The following CALN1 variants were observed in gnomAD, a reference collection of about 807,000 sequenced individuals.
CALN1 encodes calcium-binding protein 8.
CALN1 carries 17 observed loss-of-function variants against 30.6 expected under a neutral mutation model. The ratio of observed to expected loss-of-function variants is 0.56; its 90% CI spans 0.38 to 0.83. CALN1 has a LOEUF of 0.83. Among genes scored for constraint, CALN1 ranks in the 40% least tolerant of loss-of-function variants. The pLI is 0.00. For synonymous variants in CALN1, 156 were observed against 131.4 expected, an observed-to-expected ratio of 1.19 and a Z score of -1.28; for missense variants, 291 against 354.9, an observed-to-expected ratio of 0.82 and a Z score of 1.45.
chr7:72,478,887 C>CATTTTTTTTTTTTTT, the CALN1 span, among the ~76,000 whole-genome samples: 1 of 139,400 alleles, frequency 7.2e-6, no homozygotes, highest in African/African-American at 2.9e-5. Flanking sequence ...CGAACCACTT[C>CATTTTTTTTTTTTTT]TTTTTTTTTT....
chr7:72,235,469 G>A (rs1483163422), intron 3 of CALN1, among the ~76,000 whole-genome samples: 1 of 152,024 alleles, frequency 6.6e-6, no homozygotes, highest in Non-Finnish European at 1.5e-5. Flanking sequence ...TAGCTCCATA[G>A]TGTAAAAATC....
chr7:72,158,413 T>TC (rs1787870604), intron 3 of CALN1, among the ~76,000 whole-genome samples: 1 of 151,992 alleles, frequency 6.6e-6, no homozygotes, highest in African/African-American at 2.4e-5. Flanking sequence ...ATTGAATGCC[T>TC]CCCCCAAAAT....
intron 2 of CALN1, among the ~76,000 whole-genome samples, chr7:72,323,675 T>TA (rs111443754): frequency 7.2e-5 from 10 of 139,154 alleles, no homozygotes; most frequent in African/African-American, 2.8e-4. Flanking sequence ...AAAAAAAAAA[T>TA]AAAAAATAAA....
At chr7:71,862,997 G>A (rs1279847599) in intron 5 of CALN1, among the ~76,000 whole-genome samples, 2 of 151,708 alleles carry the variant, frequency 1.3e-5, no homozygotes, top group African/African-American at 4.9e-5. Flanking sequence ...GGTGGCTCAC[G>A]CCTATAATCC....
intron 1 of CALN1, among the ~76,000 whole-genome samples, chr7:72,411,634 G>C (rs530091925): frequency 6.6e-6 from 1 of 152,296 alleles, no homozygotes; most frequent in East Asian, 1.9e-4. Flanking sequence ...TCCATGGGAG[G>C]AAATACGAAA....
chr7:72,206,300 T>C (rs1389418522), intron 3 of CALN1, among the ~76,000 whole-genome samples: 1 of 152,236 alleles, frequency 6.6e-6, no homozygotes, highest in African/African-American at 2.4e-5. Flanking sequence ...CTCTGTTGGA[T>C]CTTTGCTGTC....
intron 5 of CALN1, among the ~76,000 whole-genome samples, chr7:71,922,009 C>A (rs754590509): frequency 1.3e-5 from 2 of 152,126 alleles, no homozygotes; most frequent in Non-Finnish European, 2.9e-5. Flanking sequence ...ACTGAGTGGC[C>A]GTTATGGCCA....
Position 71,803,323 on chromosome 7 carries a change from C to G in CALN1, c.658+7013G>C, listed in dbSNP as rs191032871. ...AGCCAGGTGTGATTGATGGAAAGGT[C>G]GACTGCAGACCCCTGAGCTAGGGTC... is the stretch of plus-strand genomic sequence containing the variant. On this transcript the variant is annotated intron_variant, in intron 6 of 6. Transcript: ENST00000395275. Among the ~76,000 whole-genome samples, 521 of 152,218 alleles carry G rather than the reference C, an allele frequency of 3.4e-3. 3 individuals are homozygous for G. Among genetic ancestry groups the G allele is most frequent in the African/African-American group, 0.011 (457 of 41,534 alleles).
chr7:72,033,219 A>G (rs1357027351), intron 4 of CALN1, among the ~76,000 whole-genome samples: 1 of 152,234 alleles, frequency 6.6e-6, no homozygotes, highest in East Asian at 1.9e-4. Context: ...CAGGAGTGCC[A>G]GGACTGTACA....
intron 3 of CALN1, among the ~76,000 whole-genome samples, chr7:72,191,179 A>G (rs548489708): frequency 1.3e-5 from 2 of 152,338 alleles, no homozygotes; most frequent in South Asian, 4.1e-4. Flanking sequence ...TGGGAAGACA[A>G]GAAGAATGCG....
chr7:71,816,645 A>G (rs1482830570), intron 5 of CALN1, among the ~76,000 whole-genome samples: 1 of 152,158 alleles, frequency 6.6e-6, no homozygotes, highest in Non-Finnish European at 1.5e-5. Context: ...GGAAAGATAC[A>G]GACTCCAAAA....
chr7:72,264,663 A>G (rs1796494523), intron 3 of CALN1, among the ~76,000 whole-genome samples: 2 of 152,222 alleles, frequency 1.3e-5, no homozygotes, highest in South Asian at 4.2e-4. Flanking sequence ...CACCACACCC[A>G]GCTGATTTTT....
chr7:72,226,074 G>A (rs560685812), intron 3 of CALN1, among the ~76,000 whole-genome samples: 280 of 133,156 alleles, frequency 2.1e-3, no homozygotes, highest in African/African-American at 7.9e-3. Flanking sequence ...CCAGCCTGGT[G>A]ACAGAGCGAG....
At chr7:72,164,891 C>T (rs921757651) in intron 3 of CALN1, among the ~76,000 whole-genome samples, 2 of 152,074 alleles carry the variant, frequency 1.3e-5, no homozygotes, top group Non-Finnish European at 2.9e-5. Context: ...GACAGGGTCT[C>T]GCTATGTTGC....
intron 3 of CALN1, among the ~76,000 whole-genome samples, chr7:72,191,447 C>A (rs1790594614): frequency 7.0e-6 from 1 of 141,930 alleles, no homozygotes; most frequent in South Asian, 2.3e-4. Context: ...AGTAAAAATA[C>A]AAAAATTAGC....
At chr7:72,292,993 G>T (rs1180464800) in intron 2 of CALN1, among the ~76,000 whole-genome samples, 1 of 151,952 alleles carries the variant, frequency 6.6e-6, no homozygotes, top group Non-Finnish European at 1.5e-5. Flanking sequence ...GAGCTTTCTG[G>T]GGGGCAGGGA....
At chr7:72,407,412 G>T (rs192229810) in intron 1 of CALN1, among the ~76,000 whole-genome samples, 2 of 152,318 alleles carry the variant, frequency 1.3e-5, no homozygotes, top group Admixed American at 1.3e-4. Flanking sequence ...GTGGGGCCTG[G>T]TAACAGGTGA....
At chr7:72,370,504 A>G (rs1285869034) in intron 2 of CALN1, among the ~76,000 whole-genome samples, 1 of 152,104 alleles carries the variant, frequency 6.6e-6, no homozygotes, top group Admixed American at 6.6e-5. Context: ...AACACAAAAA[A>G]TTAGCCAGCT....
intron 5 of CALN1, among the ~76,000 whole-genome samples, chr7:71,812,452 G>A (rs1203285301): frequency 1.3e-5 from 2 of 152,196 alleles, no homozygotes; most frequent in Non-Finnish European, 2.9e-5. Flanking sequence ...TAAAACTGTT[G>A]CCTGTGATAC....
Sources: gnomAD v4.1 joint callset for allele counts (sites outside exome capture counted in the v4.1 genomes callset) on GRCh38, gnomAD v4.1.1 for gene constraint, MANE v1.5 for transcripts, NCBI Gene and HGNC (gene_info 2026-07-23, HGNC 2026-07-21) for gene names.